The following LRRC8B variants were observed in gnomAD, a reference collection of about 807,000 sequenced individuals.
The protein encoded by LRRC8B is leucine rich repeat containing 8 VRAC subunit B.
In LRRC8B, 23 loss-of-function variants were observed where a neutral mutation model predicts 58.8. The ratio of observed to expected loss-of-function variants is 0.39; its 90% CI spans 0.28 to 0.55. LRRC8B has a LOEUF of 0.55. Among genes scored for constraint, LRRC8B ranks in the 20% least tolerant of loss-of-function variants. LRRC8B has a pLI of 0.62. For missense variants in LRRC8B, 694 were observed against 936.0 expected (o/e 0.74, Z 3.37); for synonymous variants, 359 against 374.1 (o/e 0.96, Z 0.47).
chr1:89,579,962 G>C (rs1164170056), intron 4 of LRRC8B, among the ~76,000 whole-genome samples: 3 of 152,164 alleles, frequency 2.0e-5, no homozygotes, highest in East Asian at 1.9e-4. Flanking sequence ...TCTCCTGATG[G>C]ATGGTCATTT....
In LRRC8B at chr1:89,550,979, T is replaced by A. The variant is rs1651762926; in HGVS notation, c.-240-17268T>A. The stretch of plus-strand genomic sequence containing the variant: ...ATCTATAATTGTTCTCTTTTGTAAG[T>A]CAATTCAAGCCATACTCTCATATTC... On this transcript the variant is annotated intron_variant, in intron 1 of 5. Coordinates refer to ENST00000330947, the MANE Select transcript of LRRC8B (RefSeq NM_001369817.2). 2.6e-5 allele frequency among the ~76,000 whole-genome samples: 4 copies of A among 152,158 alleles called. No homozygotes were observed. The South Asian group carries it at 8.3e-4, about 32-fold the overall frequency.
chr1:89,538,249 C>T (rs1650685312), intron 1 of LRRC8B, among the ~76,000 whole-genome samples: 1 of 152,200 alleles, frequency 6.6e-6, no homozygotes. Context: ...GCAAGGAGAA[C>T]TCTGGCTGGT....
chr1:89,590,790 C>T (rs553847935), intron 5 of LRRC8B, among the ~76,000 whole-genome samples: 1 of 152,316 alleles, frequency 6.6e-6, no homozygotes, highest in Admixed American at 6.5e-5. Flanking sequence ...CAGGTTAGGG[C>T]ACTTTTCTTC....
In LRRC8B at chr1:89,570,338, A is replaced by G. The variant is rs192333539; in HGVS notation, c.-125+1845A>G. Among the ~76,000 whole-genome samples, 8 of 152,290 alleles carry G rather than the reference A, an allele frequency of 5.3e-5. No individual in the cohort carries two copies. The East Asian group carries it at 9.6e-4, about 18-fold the overall frequency. On this transcript the variant is annotated intron_variant, in intron 3 of 5. Transcript: ENST00000330947. ...GTTGAACTAATTTACACTCTCACCA[A>G]CAGTGTATAAGCATTCCTTTTTCTC...
intron 1 of LRRC8B, among the ~76,000 whole-genome samples, chr1:89,527,694 A>G (rs905714820): frequency 3.9e-5 from 6 of 152,142 alleles, no homozygotes; most frequent in African/African-American, 1.4e-4. Context: ...TTATGACTTA[A>G]TTTCTCTGGT....
intron 1 of LRRC8B, among the ~76,000 whole-genome samples, chr1:89,527,280 C>T (rs902029668): frequency 4.6e-5 from 7 of 152,054 alleles, no homozygotes; most frequent in African/African-American, 1.4e-4. Flanking sequence ...TAACCCAATC[C>T]CGGATTTTCA....
chr1:89,584,842 T>C (rs1654515149), intron 5 of LRRC8B, 53 bp downstream of exon 5: 4 of 1,243,398 alleles, frequency 3.2e-6, no homozygotes, highest in Admixed American at 4.4e-5. Context: ...TTATAGTGCA[T>C]TACATAGGGA....
intron 1 of LRRC8B, among the ~76,000 whole-genome samples, chr1:89,552,940 G>C (rs1045053169): frequency 6.6e-6 from 1 of 152,192 alleles, no homozygotes; most frequent in Non-Finnish European, 1.5e-5. Flanking sequence ...TAATGCTTCA[G>C]ATAATTCCAA....
At chr1:89,561,287 G>A (rs1199186124) in intron 1 of LRRC8B, among the ~76,000 whole-genome samples, 2 of 146,592 alleles carry the variant, frequency 1.4e-5, no homozygotes, top group East Asian at 4.0e-4. Flanking sequence ...CTGGATATTA[G>A]CCCTTTGTCA....
intron 1 of LRRC8B, among the ~76,000 whole-genome samples, chr1:89,556,703 G>A (rs1652219172): frequency 6.6e-6 from 1 of 152,172 alleles, no homozygotes; most frequent in African/African-American, 2.4e-5. Flanking sequence ...CTCCAGCTGA[G>A]GAGCAAATGG....
chr1:89,533,081 C>G (rs724753), intron 1 of LRRC8B, among the ~76,000 whole-genome samples: 3 of 152,058 alleles, frequency 2.0e-5, no homozygotes. Context: ...GGAACACTGC[C>G]AGTTATCTTC....
At chr1:89,569,625 C>T (rs1653297787) in intron 3 of LRRC8B, among the ~76,000 whole-genome samples, 1 of 152,144 alleles carries the variant, frequency 6.6e-6, no homozygotes, top group Non-Finnish European at 1.5e-5. Context: ...ATCCAGGTTG[C>T]TGCAAAGAAC....
chr1:89,581,909 C>T (rs1654252663), intron 4 of LRRC8B, among the ~76,000 whole-genome samples: 1 of 152,156 alleles, frequency 6.6e-6, no homozygotes, highest in Non-Finnish European at 1.5e-5. Context: ...CATTCAGTGA[C>T]AGGTTGTTCT....
intron 1 of LRRC8B, among the ~76,000 whole-genome samples, chr1:89,546,555 C>T (rs1481571987): frequency 6.6e-6 from 1 of 152,194 alleles, no homozygotes. Context: ...TGTATTTTCC[C>T]TTCTTCCAAG....
chr1:89,592,048 A>C (rs1655013217), intron 5 of LRRC8B, among the ~76,000 whole-genome samples: 1 of 152,150 alleles, frequency 6.6e-6, no homozygotes, highest in African/African-American at 2.4e-5. Context: ...GCCCTTAGAA[A>C]TTGACATGCA....
rs1277262391 is a variant in LRRC8B, at chr1:89,595,441, G to T, written c.*2398G>T. 1.3e-5 allele frequency: 2 copies of T among 152,130 alleles called. No individual in the cohort carries two copies. The highest frequency in any genetic ancestry group is 4.8e-5 in the African/African-American group (2 of 41,448). 9.4% of individuals were successfully genotyped at this position (152,130 alleles called of 1,614,324 possible). On this transcript the variant is annotated 3_prime_UTR_variant, in exon 6 of 6. Coordinates refer to ENST00000330947, the MANE Select transcript of LRRC8B (RefSeq NM_001369817.2). The stretch of plus-strand genomic sequence containing the variant: ...AGCTAGAATTTCAAAACAAAATTCA[G>T]ATTTGCTACCATTCACCTGACGAAC...
chr1:89,541,947 CT>C (rs1453545130), intron 1 of LRRC8B, among the ~76,000 whole-genome samples: 47 of 152,100 alleles, frequency 3.1e-4, no homozygotes, highest in Middle Eastern at 3.4e-3. Context: ...AGTAACTGTT[CT>C]CTTGATATAA....
intron 1 of LRRC8B, among the ~76,000 whole-genome samples, chr1:89,563,812 C>A (rs760265199): frequency 2.8e-4 from 42 of 152,084 alleles, no homozygotes; most frequent in Non-Finnish European, 5.9e-4. Flanking sequence ...TGGTTATTAT[C>A]CCTATTTTAC....
chr1:89,540,385 C>G (rs184434311), intron 1 of LRRC8B, among the ~76,000 whole-genome samples: 5 of 152,112 alleles, frequency 3.3e-5, no homozygotes, highest in Admixed American at 6.5e-5. Flanking sequence ...TTTTACTTGA[C>G]GAGCAAAAGA....
Sources: allele counts gnomAD v4.1 joint callset (sites outside exome capture counted in the v4.1 genomes callset), GRCh38; gene constraint gnomAD v4.1.1; transcripts MANE v1.5; gene names NCBI Gene and HGNC (gene_info 2026-07-23, HGNC 2026-07-21).